The following CCDC159 variants were observed in gnomAD, a reference collection of about 807,000 sequenced individuals.
CCDC159 encodes the protein coiled-coil domain containing 159, also known as coiled-coil domain-containing protein 159.
CCDC159 carries 40 observed loss-of-function variants against 50.9 expected under a neutral mutation model. The observed-to-expected ratio is 0.79, with a 90% CI of 0.61 to 1.02. The LOEUF (loss-of-function observed/expected upper bound fraction) is 1.02, where lower values mean the gene tolerates loss of function less well. Among genes scored for constraint, CCDC159 ranks in the 50% least tolerant of loss-of-function variants. The pLI is 0.00. For synonymous variants in CCDC159, 146 were observed against 138.9 expected (o/e 1.05, Z -0.36); for missense variants, 356 against 371.5 (o/e 0.96, Z 0.34).
chr19:11,349,937 G>A lies in CCDC159; in HGVS notation c.56-1G>A, dbSNP rs1967476472. On this transcript the variant is annotated splice_acceptor_variant, in intron 2 of 10. Coordinates refer to ENST00000458408, the MANE Select transcript of CCDC159 (RefSeq NM_001080503.3). LOFTEE classifies it high-confidence loss of function. ...TGGCTCACCCTCTTCTCTGCCCACA[G>A]CCAAGACCATTGTGATGATTCCCGA... 6.2e-7 allele frequency: 1 copy of A among 1,613,526 alleles called. No homozygotes were observed. The highest frequency in any genetic ancestry group is 1.3e-5 in the African/African-American group (1 of 74,838).
In CCDC159 at chr19:11,349,981, A is replaced by G. The variant is rs1268075537; in HGVS notation, c.99A>G (p.Arg33=). Residue 33 remains arginine, a synonymous_variant, in exon 3 of 11, where the codon CGA becomes CGG. Coordinates refer to ENST00000458408, the MANE Select transcript of CCDC159 (RefSeq NM_001080503.3). ...TTCCCGACTCCCAGAAGCTCCTGCG[A>G]TGTGAACTTGAGTCACTCAAGAGCC... is the stretch of plus-strand genomic sequence containing the variant. ...VMIPDSQKLL[R]CELESLKSQL... The G allele has an allele frequency of 6.2e-7, 1 of 1,613,820 alleles. No individual in the cohort carries two copies. Among genetic ancestry groups the G allele is most frequent in the Non-Finnish European group, 8.5e-7 (1 of 1,179,852 alleles).
chr19:11,354,716 C>G lies in CCDC159; in HGVS notation c.889+20C>G, dbSNP rs375009614. 57 of 1,605,426 alleles carry G rather than the reference C, an allele frequency of 3.6e-5. No individual in the cohort carries two copies. The highest frequency in any genetic ancestry group is 4.7e-5 in the Non-Finnish European group (55 of 1,175,708). On this transcript the variant is annotated intron_variant, in intron 10 of 10. Transcript: ENST00000458408. The stretch of plus-strand genomic sequence containing the variant: ...CACCCGGTGCAGATCCTCCCCAGTC[C>G]CCCCCTCCACCCATTTCCCTCCTGA...
intron 1 of CCDC159, chr19:11,349,065 C>A: frequency 7.4e-7 from 1 of 1,343,746 alleles, no homozygotes; most frequent in Non-Finnish European, 9.8e-7. Flanking sequence ...ACAGTGAGGA[C>A]TGCAGACTGC....
intron 7 of CCDC159, among the ~76,000 whole-genome samples, chr19:11,353,217 C>T (rs1390658761): frequency 9.9e-5 from 15 of 152,146 alleles, no homozygotes; most frequent in Non-Finnish European, 1.5e-4. Flanking sequence ...TCTCCTGCCT[C>T]AGCCTCTCGA....
intron 1 of CCDC159, chr19:11,348,993 G>A (rs111737410): frequency 0.11 from 147,850 of 1,337,806 alleles, 9,003 homozygotes; most frequent in Non-Finnish European, 0.13. Flanking sequence ...GCTCTGGAGC[G>A]TACAGCTCAC....
At chr19:11,346,667 AT>A (rs1967249656) in intron 1 of CCDC159, 40 bp downstream of exon 1, 13 of 1,547,530 alleles carry the variant, frequency 8.4e-6, no homozygotes, top group Non-Finnish European at 9.6e-6. Flanking sequence ...GCGGGTGTAG[AT>A]TTCACAACCC....
rs577539469 is a variant in CCDC159 at position 11,353,914 on chromosome 19, T to G, written c.772+40T>G. 7 of 1,489,932 alleles carry G rather than the reference T, an allele frequency of 4.7e-6. No individual in the cohort carries two copies. The African/African-American group carries it at 9.9e-5, about 21-fold the overall frequency. The allele number at this position is 1,489,932 out of a possible 1,614,324, so 92.3% of individuals were successfully genotyped here. ...GAATTGCTCAGGGGTGGGAGGTCAT[T>G]GTCTAGCTTCACAGGGAGGCTATGT... On this transcript the variant is annotated intron_variant, in intron 9 of 10. Coordinates refer to ENST00000458408, the MANE Select transcript of CCDC159 (RefSeq NM_001080503.3).
At position 11,354,697 on chromosome 19, in the gene CCDC159, G is replaced by T. The variant is rs201149711; in HGVS notation, c.889+1G>T. 239 of 1,606,994 alleles carry T rather than the reference G, an allele frequency of 1.5e-4. No homozygotes were observed. In the African/African-American group the frequency reaches 3.0e-3, roughly 20 times the overall value. Reference sequence around the variant, plus strand: ...AAGAGCGGCCGCTCCTTCCCACCCGGTGCAGATCCTCCCCAGTCCCCCCCT... The same window carrying T: ...AAGAGCGGCCGCTCCTTCCCACCCGTTGCAGATCCTCCCCAGTCCCCCCCT... On this transcript the variant is annotated splice_donor_variant, in intron 10 of 10. Coordinates refer to ENST00000458408, the MANE Select transcript of CCDC159 (RefSeq NM_001080503.3). LOFTEE classifies it high-confidence loss of function.
Position 11,351,017 on chromosome 19 carries a change from G to A in CCDC159, c.422+14G>A. On this transcript the variant is annotated intron_variant, in intron 5 of 10. Transcript: ENST00000458408. Reference sequence around the variant, plus strand: ...GATCCGGGACAGGTCGGGGATGGCGGGAGGGCAGCTTGGAGTCCACAGGAG... The same window carrying A: ...GATCCGGGACAGGTCGGGGATGGCGAGAGGGCAGCTTGGAGTCCACAGGAG... The A allele has an allele frequency of 6.5e-7, 1 of 1,534,480 alleles. No individual in the cohort carries two copies. Among genetic ancestry groups the A allele is most frequent in the Admixed American group, 2.0e-5 (1 of 49,568 alleles).
chr19:11,350,679 T>C, intron 4 of CCDC159, 129 bp from the exon 5 acceptor site: 1 of 866,340 alleles, frequency 1.2e-6, no homozygotes, highest in South Asian at 1.9e-5. Context: ...TGGAAGCTGG[T>C]CCTGTTGGGA....
intron 1 of CCDC159, among the ~76,000 whole-genome samples, chr19:11,347,549 C>T (rs565468584): frequency 9.2e-5 from 14 of 152,232 alleles, no homozygotes; most frequent in African/African-American, 1.4e-4. Flanking sequence ...AGGCTGGTCT[C>T]GAACTCCTGA....
In CCDC159 at chr19:11,353,779, T is replaced by G. The variant is rs762874909; in HGVS notation, c.690-13T>G. ...GAGTCTCCCAGCGCCCCCAGCTCCT[T>G]GTCTTCTTGCAGGTCTGCTGTGCAC... On this transcript the variant is annotated splice_polypyrimidine_tract_variant and intron_variant, in intron 8 of 10. Transcript: ENST00000458408. 6.3e-7 allele frequency: 1 copy of G among 1,588,418 alleles called. No homozygotes were observed. Among genetic ancestry groups the G allele is most frequent in the Non-Finnish European group, 8.6e-7 (1 of 1,167,404 alleles).
intron 5 of CCDC159, 126 bp downstream of exon 5, chr19:11,351,129 G>A (rs1033273391): frequency 5.0e-6 from 5 of 992,586 alleles, no homozygotes; most frequent in East Asian, 5.5e-5. Context: ...ATGGTGGAAA[G>A]CCTGAGGGAC....
intron 4 of CCDC159, 47 bp downstream of exon 4, chr19:11,350,246 G>C (rs752335283): frequency 8.6e-6 from 13 of 1,510,546 alleles, no homozygotes; most frequent in Non-Finnish European, 1.2e-5. Context: ...AGGCGTGGTG[G>C]CTCACGCCTG....
chr19:11,347,386 A>G (rs1967306346), intron 1 of CCDC159, among the ~76,000 whole-genome samples: 1 of 152,166 alleles, frequency 6.6e-6, no homozygotes, highest in Non-Finnish European at 1.5e-5. Context: ...GCTGGAGCAC[A>G]GTGGCATGAT....
intron 1 of CCDC159, chr19:11,349,161 AG>A (rs1341489299): frequency 2.2e-6 from 3 of 1,348,534 alleles, no homozygotes; most frequent in Non-Finnish European, 2.9e-6. Flanking sequence ...TGTAATGACC[AG>A]GACATTTTGA....
rs1215503730 is a variant in CCDC159 at position 11,346,525 on chromosome 19, G to C, written c.-82G>C. 4.7e-6 allele frequency: 7 copies of C among 1,503,242 alleles called. No homozygotes were observed. The highest frequency in any genetic ancestry group is 1.7e-4 in the Middle Eastern group (1 of 5,922). The allele number at this position is 1,503,242 out of a possible 1,614,324, so 93.1% of individuals were successfully genotyped here. A position where few individuals can be genotyped will look rare whatever the true frequency, so the allele number is the denominator to read the frequency against. Reference sequence around the variant, plus strand: ...CGGCCACACCCCTCTCTGTGACTCAGTCTCTGAGCGTTTTAATACGATGGT... The same window carrying C: ...CGGCCACACCCCTCTCTGTGACTCACTCTCTGAGCGTTTTAATACGATGGT... On this transcript the variant is annotated 5_prime_UTR_variant, in exon 1 of 11. Coordinates refer to ENST00000458408, the MANE Select transcript of CCDC159 (RefSeq NM_001080503.3).
intron 1 of CCDC159, chr19:11,348,129 T>C: frequency 6.6e-6 from 3 of 456,612 alleles, no homozygotes; most frequent in South Asian, 4.6e-5. Flanking sequence ...TCCAAGCTTT[T>C]GCACATGCTG....
intron 6 of CCDC159, 25 bp from the exon 7 acceptor site, chr19:11,352,032 C>T: frequency 6.2e-7 from 1 of 1,613,246 alleles, no homozygotes; most frequent in African/African-American, 1.3e-5. Context: ...CAGCCTTTGT[C>T]CGCCTGAGCC....
Sources: allele counts gnomAD v4.1 joint callset (sites outside exome capture counted in the v4.1 genomes callset), GRCh38; gene constraint gnomAD v4.1.1; transcripts MANE v1.5; gene names NCBI Gene and HGNC (gene_info 2026-07-23, HGNC 2026-07-21).